The following CRB1 variants were observed in gnomAD, a reference collection of about 807,000 sequenced individuals.
The protein encoded by CRB1 is crumbs cell polarity complex component 1.
In CRB1, 83 loss-of-function variants were observed where a neutral mutation model predicts 120.0. The observed-to-expected ratio is 0.69, with a 90% CI of 0.58 to 0.83. CRB1 has a LOEUF of 0.83. Ranked by LOEUF, CRB1 falls within the 40% of genes least tolerant of loss-of-function variation. The probability of loss-of-function intolerance (pLI) is 0.00; values close to 1 mark genes in which losing one functional copy is unlikely to be tolerated. For synonymous variants in CRB1, 625 were observed against 612.5 expected, an observed-to-expected ratio of 1.02 and a Z score of -0.30; for missense variants, 1,699 against 1,687.6, an observed-to-expected ratio of 1.01 and a Z score of -0.12.
intron 5 of CRB1, chr1:197,357,476 A>C: frequency 2.1e-5 from 3 of 146,186 alleles, no homozygotes; most frequent in Non-Finnish European, 4.5e-5. Context: ...AATTTAAATT[A>C]CTCTTTTTTT....
intron 11 of CRB1, among the ~76,000 whole-genome samples, chr1:197,445,673 T>C (rs544741768): frequency 1.3e-5 from 2 of 152,352 alleles, no homozygotes; most frequent in Non-Finnish European, 2.9e-5. Flanking sequence ...TGGTGCTGCA[T>C]AAAATTTGAG....
chr1:197,455,977 T>C (rs1023874926), intron 11 of CRB1, among the ~76,000 whole-genome samples: 2 of 152,092 alleles, frequency 1.3e-5, no homozygotes, highest in African/African-American at 4.8e-5. Context: ...TGAAAGTTAT[T>C]TGATGTTTTG....
intron 5 of CRB1, among the ~76,000 whole-genome samples, chr1:197,380,308 C>T (rs956660730): frequency 1.3e-5 from 2 of 152,154 alleles, no homozygotes; most frequent in African/African-American, 4.8e-5. Flanking sequence ...CCTGGCCAAA[C>T]TCCAACACAA....
chr1:197,204,876 A>G, the CRB1 span, among the ~76,000 whole-genome samples: 2 of 152,132 alleles, frequency 1.3e-5, no homozygotes, highest in East Asian at 1.9e-4. Context: ...AGTTTTTCCA[A>G]TGTTATCTTC....
the CRB1 span, among the ~76,000 whole-genome samples, chr1:197,253,428 G>A: frequency 6.6e-6 from 1 of 151,986 alleles, no homozygotes; most frequent in Non-Finnish European, 1.5e-5. Flanking sequence ...TTAACACAGT[G>A]TATCATTATG....
chr1:197,236,587 A>G, the CRB1 span, among the ~76,000 whole-genome samples: 1 of 152,168 alleles, frequency 6.6e-6, no homozygotes, highest in Non-Finnish European at 1.5e-5. Flanking sequence ...CACATTCTTG[A>G]CATTTCCCTA....
intron 1 of CRB1, among the ~76,000 whole-genome samples, chr1:197,273,742 C>G (rs7553508): frequency 0.35 from 52,700 of 151,846 alleles, 11,513 homozygotes; most frequent in East Asian, 0.76. Context: ...CTCCTATTTT[C>G]TTTTCACGTA....
the CRB1 span, among the ~76,000 whole-genome samples, chr1:197,209,537 A>G: frequency 6.6e-6 from 1 of 151,930 alleles, no homozygotes; most frequent in African/African-American, 2.4e-5. Context: ...TAGTAAGGAC[A>G]GGGTTTCCCC....
intron 5 of CRB1, among the ~76,000 whole-genome samples, chr1:197,373,044 G>T (rs1661456215): frequency 1.3e-5 from 2 of 152,098 alleles, no homozygotes; most frequent in Non-Finnish European, 2.9e-5. Context: ...GGTTTAAAGT[G>T]ATCTGTGCTC....
chr1:197,254,911 G>T, the CRB1 span, among the ~76,000 whole-genome samples: 1 of 152,006 alleles, frequency 6.6e-6, no homozygotes, highest in Non-Finnish European at 1.5e-5. Context: ...TTTTGTGATG[G>T]ATCTTATCTT....
At chr1:197,415,743 C>T (rs1663963946) in intron 5 of CRB1, among the ~76,000 whole-genome samples, 2 of 148,146 alleles carry the variant, frequency 1.4e-5, no homozygotes, top group Non-Finnish European at 3.0e-5. Flanking sequence ...CCCGGGTTGA[C>T]GCCATTCTCC....
chr1:197,252,541 T>TAC, the CRB1 span, among the ~76,000 whole-genome samples: 1 of 10,834 alleles, frequency 9.2e-5, no homozygotes, highest in Non-Finnish European at 1.9e-4. Flanking sequence ...ATAGATTTTA[T>TAC]ATATATATAT....
chr1:197,438,596 A>G lies in CRB1; in HGVS notation c.3799A>G (p.Thr1267Ala). Residue 1267 changes from threonine to alanine, a missense_variant, in exon 10 of 12, where the codon ACT becomes GCT. Physicochemically the swap from Thr to Ala is moderately conservative, Grantham distance 58 (BLOSUM62 0). Transcript: ENST00000367400. ...TVCGNEKTNLTCYNGGNCTEF... is the reference protein window; with the variant it reads ...TVCGNEKTNLACYNGGNCTEF... ...CTGTGGGAATGAGAAGACAAATCTC[A>G]CTTGCTACAATGGAGGCAACTGCAC... 6.2e-7 allele frequency: 1 copy of G among 1,611,994 alleles called. No individual in the cohort carries two copies. The highest frequency in any genetic ancestry group is 2.2e-5 in the East Asian group (1 of 44,846).
chr1:197,455,263 A>G lies in CRB1; in HGVS notation c.4005+12971A>G, dbSNP rs554996942. On this transcript the variant is annotated intron_variant, in intron 11 of 11. Coordinates refer to ENST00000367400, the MANE Select transcript of CRB1 (RefSeq NM_201253.3). ...CAGATCATTCAGAAATCAAGTCTAC[A>G]TGTTCCAAACCAATTAACTGACAAA... Among the ~76,000 whole-genome samples the G allele has an allele frequency of 8.5e-5, 13 of 152,310 alleles. No individual in the cohort carries two copies. In the South Asian group the frequency reaches 2.7e-3, roughly 32 times the overall value.
intron 5 of CRB1, among the ~76,000 whole-genome samples, chr1:197,362,112 A>G (rs1288046362): frequency 6.6e-6 from 1 of 152,060 alleles, no homozygotes; most frequent in Non-Finnish European, 1.5e-5. Flanking sequence ...ATTTAGAAAT[A>G]AGAATTGAAT....
At chr1:197,422,022 AC>A (rs1205814978) in intron 6 of CRB1, 66 bp downstream of exon 6, 1 of 1,446,536 alleles carries the variant, frequency 6.9e-7, no homozygotes, top group Non-Finnish European at 9.6e-7. Context: ...AACAGCAAAA[AC>A]AGCCAGACTG....
intron 11 of CRB1, among the ~76,000 whole-genome samples, chr1:197,458,935 A>G (rs1167676158): frequency 6.6e-6 from 1 of 152,134 alleles, no homozygotes; most frequent in Non-Finnish European, 1.5e-5. Flanking sequence ...TGCAAGAGGG[A>G]AAGTTTTCAT....
At chr1:197,375,465 G>A (rs181161816) in intron 5 of CRB1, among the ~76,000 whole-genome samples, 1 of 152,180 alleles carries the variant, frequency 6.6e-6, no homozygotes, top group East Asian at 1.9e-4. Flanking sequence ...GTTGCTTGCT[G>A]CAAAAACCAA....
intron 1 of CRB1, among the ~76,000 whole-genome samples, chr1:197,287,061 A>C (rs555236168): frequency 3.3e-5 from 5 of 152,012 alleles, no homozygotes; most frequent in African/African-American, 1.2e-4. Context: ...AATTTCAAAA[A>C]TTCATATTTG....
Sources: gnomAD v4.1 joint callset for allele counts (sites outside exome capture counted in the v4.1 genomes callset) on GRCh38, gnomAD v4.1.1 for gene constraint, MANE v1.5 for transcripts, NCBI Gene and HGNC (gene_info 2026-07-23, HGNC 2026-07-21) for gene names.